ERBB4: variants seen among roughly 807,000 people sequenced by gnomAD.
ERBB4 encodes receptor tyrosine-protein kinase erbB-4.
Under a neutral mutation model 158.0 loss-of-function variants are expected in ERBB4, and 42 were observed. The observed-to-expected ratio is 0.27, with a 90% CI of 0.21 to 0.34. The LOEUF is 0.34. Ranked by LOEUF, ERBB4 falls within the 10% of genes least tolerant of loss-of-function variation. The pLI is 1.00. For synonymous variants in ERBB4, 583 were observed against 558.7 expected (o/e 1.04, Z -0.61); for missense variants, 1,333 against 1,624.1 (o/e 0.82, Z 3.08).
At chr2:212,136,614 C>T (rs1490996782) in intron 1 of ERBB4, among the ~76,000 whole-genome samples, 1 of 152,128 alleles carries the variant, frequency 6.6e-6, no homozygotes, top group Non-Finnish European at 1.5e-5. Flanking sequence ...CATTTTATCC[C>T]CATCTGTTCC....
At chr2:212,116,568 C>T (rs1000480421) in intron 2 of ERBB4, among the ~76,000 whole-genome samples, 9 of 152,108 alleles carry the variant, frequency 5.9e-5, no homozygotes, top group African/African-American at 1.4e-4. Flanking sequence ...CCACCTCAGC[C>T]TCCTGAGTAG....
intron 1 of ERBB4, among the ~76,000 whole-genome samples, chr2:212,295,748 G>C (rs911832889): frequency 1.3e-5 from 2 of 152,178 alleles, no homozygotes; most frequent in Admixed American, 6.6e-5. Flanking sequence ...CATAGTAGCT[G>C]CACAGTAAAT....
intron 20 of ERBB4, among the ~76,000 whole-genome samples, chr2:211,512,262 T>C (rs1380805070): frequency 2.6e-5 from 4 of 152,120 alleles, no homozygotes; most frequent in African/African-American, 9.7e-5. Flanking sequence ...CTGTTCCACT[T>C]GTAAGACATA....
intron 1 of ERBB4, among the ~76,000 whole-genome samples, chr2:212,372,163 G>C (rs1019968069): frequency 6.6e-6 from 1 of 151,888 alleles, no homozygotes; most frequent in Non-Finnish European, 1.5e-5. Flanking sequence ...TTACTTAATC[G>C]ATAATACACT....
At chr2:211,832,647 C>A (rs968741407) in intron 3 of ERBB4, among the ~76,000 whole-genome samples, 1 of 149,678 alleles carries the variant, frequency 6.7e-6, no homozygotes, top group Non-Finnish European at 1.5e-5. Flanking sequence ...TATATGTAAC[C>A]AGCATCCTTG....
intron 2 of ERBB4, among the ~76,000 whole-genome samples, chr2:211,959,777 G>C (rs1575438092): frequency 6.6e-6 from 1 of 152,046 alleles, no homozygotes; most frequent in African/African-American, 2.4e-5. Flanking sequence ...TGTACTTGTA[G>C]TATATTCAAA....
At chr2:212,050,745 T>C (rs2077377914) in intron 2 of ERBB4, among the ~76,000 whole-genome samples, 1 of 152,152 alleles carries the variant, frequency 6.6e-6, no homozygotes, top group Non-Finnish European at 1.5e-5. Context: ...ATTAAGGATG[T>C]TGTATCATTC....
At chr2:211,822,710 G>T (rs2077020560) in intron 3 of ERBB4, among the ~76,000 whole-genome samples, 1 of 148,136 alleles carries the variant, frequency 6.8e-6, no homozygotes, top group African/African-American at 2.4e-5. Flanking sequence ...TTATTTGATA[G>T]AATATTGTAT....
chr2:212,045,758 T>C (rs578084466), intron 2 of ERBB4, among the ~76,000 whole-genome samples: 5 of 152,328 alleles, frequency 3.3e-5, no homozygotes, highest in Admixed American at 6.5e-5. Flanking sequence ...TGTCCAAGAA[T>C]AGCTTTTACA....
intron 1 of ERBB4, among the ~76,000 whole-genome samples, chr2:212,338,364 A>C (rs1055042598): frequency 6.6e-6 from 1 of 152,130 alleles, no homozygotes; most frequent in African/African-American, 2.4e-5. Context: ...CTCAAGCTAC[A>C]GATAATTGGG....
intron 2 of ERBB4, among the ~76,000 whole-genome samples, chr2:212,095,529 G>C (rs999831246): frequency 3.3e-5 from 5 of 152,178 alleles, no homozygotes; most frequent in Non-Finnish European, 7.4e-5. Context: ...ATTGTTGTGT[G>C]ATACAAATCA....
intron 1 of ERBB4, among the ~76,000 whole-genome samples, chr2:212,439,339 C>CT (rs568783365): frequency 1.2e-3 from 177 of 152,286 alleles, no homozygotes; most frequent in Non-Finnish European, 2.0e-3. Flanking sequence ...AAATGTATCT[C>CT]TAACTTTATC....
At chr2:211,588,091 A>C (rs1347029216) in intron 19 of ERBB4, among the ~76,000 whole-genome samples, 1 of 152,238 alleles carries the variant, frequency 6.6e-6, no homozygotes, top group Non-Finnish European at 1.5e-5. Flanking sequence ...TTAAGTGATA[A>C]ATAGCAAGGT....
intron 1 of ERBB4, among the ~76,000 whole-genome samples, chr2:212,214,910 C>A (rs75677866): frequency 6.6e-6 from 1 of 151,544 alleles, no homozygotes; most frequent in South Asian, 2.1e-4. Flanking sequence ...ACAAATGATA[C>A]GACACATCAA....
intron 5 of ERBB4, among the ~76,000 whole-genome samples, chr2:211,740,730 CT>C (rs1382572061): frequency 6.8e-6 from 1 of 148,022 alleles, no homozygotes; most frequent in Non-Finnish European, 1.5e-5. Flanking sequence ...CGTGCCTCAG[CT>C]TCCCGAGTAG....
intron 2 of ERBB4, among the ~76,000 whole-genome samples, chr2:212,096,362 G>T (rs1198506141): frequency 6.6e-6 from 1 of 152,058 alleles, no homozygotes; most frequent in African/African-American, 2.4e-5. Context: ...AAATAAAGGA[G>T]TATGCCATCG....
intron 2 of ERBB4, among the ~76,000 whole-genome samples, chr2:211,976,692 T>C (rs2081617550): frequency 1.3e-5 from 2 of 152,114 alleles, no homozygotes. Flanking sequence ...TTGTCAATGA[T>C]ATCAAATATC....
chr2:211,394,281 A>G (rs1258398734), intron 25 of ERBB4, among the ~76,000 whole-genome samples: 5 of 152,172 alleles, frequency 3.3e-5, no homozygotes, highest in Non-Finnish European at 4.4e-5. Context: ...TTCATTCAAG[A>G]TAAGCAACAA....
intron 3 of ERBB4, among the ~76,000 whole-genome samples, chr2:211,804,922 C>CTTTTT (rs201486236): frequency 7.2e-6 from 1 of 139,140 alleles, no homozygotes; most frequent in African/African-American, 2.7e-5. Context: ...TCAAAATATT[C>CTTTTT]TTTTTTTTTT....
Sources: allele counts gnomAD v4.1 joint callset (sites outside exome capture counted in the v4.1 genomes callset), GRCh38; gene constraint gnomAD v4.1.1; transcripts MANE v1.5; gene names NCBI Gene and HGNC (gene_info 2026-07-23, HGNC 2026-07-21).